EEPD1: variants seen among roughly 807,000 people sequenced by gnomAD.
EEPD1 encodes the protein endonuclease/exonuclease/phosphatase family domain containing 1, also known as endonuclease/exonuclease/phosphatase family domain-containing protein 1.
EEPD1 carries 17 observed loss-of-function variants against 46.3 expected under a neutral mutation model. The observed-to-expected ratio is 0.37, with a 90% CI of 0.25 to 0.55. The LOEUF is 0.55. EEPD1 is among the 20% of genes least tolerant of loss of function. The pLI, the probability that EEPD1 is intolerant of heterozygous loss-of-function variation, is 0.83. For synonymous variants in EEPD1, 313 were observed against 315.6 expected, an observed-to-expected ratio of 0.99 and a Z score of 0.09; for missense variants, 673 against 745.6, an observed-to-expected ratio of 0.90 and a Z score of 1.13.
chr7:36,241,372 C>T (rs1419184478), intron 3 of EEPD1, among the ~76,000 whole-genome samples: 1 of 151,938 alleles, frequency 6.6e-6, no homozygotes, highest in Non-Finnish European at 1.5e-5. Context: ...ACTCAGGAGG[C>T]GGAAGCAGGA....
intron 6 of EEPD1, among the ~76,000 whole-genome samples, chr7:36,292,870 A>G (rs556929054): frequency 6.6e-6 from 1 of 152,226 alleles, no homozygotes; most frequent in Non-Finnish European, 1.5e-5. Context: ...CCCCTCTGTG[A>G]CCACTCTTCC....
At chr7:36,272,784 C>T (rs942773991) in intron 3 of EEPD1, among the ~76,000 whole-genome samples, 2 of 152,150 alleles carry the variant, frequency 1.3e-5, no homozygotes, top group African/African-American at 2.4e-5. Context: ...GCCTTCCTGG[C>T]CCCCATGGAA....
chr7:36,255,507 CTTGTTATTGGGCTAT>C (rs1786815629), intron 3 of EEPD1, among the ~76,000 whole-genome samples: 1 of 74,656 alleles, frequency 1.3e-5, no homozygotes, highest in South Asian at 4.5e-4. Context: ...CTTTTCAGAA[CTTGTTATTGGGCTAT>C]TCAGGGATTC....
intron 3 of EEPD1, among the ~76,000 whole-genome samples, chr7:36,265,786 G>C (rs145523113): frequency 6.6e-6 from 1 of 152,296 alleles, no homozygotes; most frequent in East Asian, 1.9e-4. Context: ...ACATCAAAGA[G>C]GAAGAAAATT....
chr7:36,246,626 C>T (rs578016622), intron 3 of EEPD1, among the ~76,000 whole-genome samples: 2 of 152,268 alleles, frequency 1.3e-5, no homozygotes, highest in East Asian at 1.9e-4. Context: ...GAAGTTGCAT[C>T]CCCACTGCTC....
intron 3 of EEPD1, among the ~76,000 whole-genome samples, chr7:36,279,876 C>G (rs1355050485): frequency 6.6e-6 from 1 of 152,184 alleles, no homozygotes; most frequent in East Asian, 1.9e-4. Flanking sequence ...TGACAGTGAA[C>G]TTAGTGAATA....
At chr7:36,170,833 T>C (rs1315907351) in intron 2 of EEPD1, among the ~76,000 whole-genome samples, 1 of 152,218 alleles carries the variant, frequency 6.6e-6, no homozygotes, top group Non-Finnish European at 1.5e-5. Context: ...AGTGTCCTTA[T>C]TACCATATCA....
At chr7:36,259,644 G>A (rs1034515788) in intron 3 of EEPD1, among the ~76,000 whole-genome samples, 1 of 151,908 alleles carries the variant, frequency 6.6e-6, no homozygotes, top group African/African-American at 2.4e-5. Flanking sequence ...CAAGTAGCTG[G>A]AATTACAGGC....
intron 5 of EEPD1, among the ~76,000 whole-genome samples, chr7:36,285,298 A>G (rs1475988409): frequency 1.3e-5 from 2 of 152,162 alleles, no homozygotes; most frequent in Non-Finnish European, 2.9e-5. Flanking sequence ...TGGCCTGAGG[A>G]GCCCCTTCTT....
chr7:36,154,213 A>T lies in EEPD1; in HGVS notation c.-112A>T. 1 of 1,350,236 alleles carries T rather than the reference A, an allele frequency of 7.4e-7. No individual in the cohort carries two copies. The highest frequency in any genetic ancestry group is 9.8e-7 in the Non-Finnish European group (1 of 1,018,966). The allele number at this position is 1,350,236 out of a possible 1,614,324, so 83.6% of individuals were successfully genotyped here. A position where few individuals can be genotyped will look rare whatever the true frequency, so the allele number is the denominator to read the frequency against. Reference sequence around the variant, plus strand: ...TCTATAGTAACCTCTTCAGTCCCTGAATCCTGCACCTTCCGTTTTTCTGTG... The same window carrying T: ...TCTATAGTAACCTCTTCAGTCCCTGTATCCTGCACCTTCCGTTTTTCTGTG... On this transcript the variant is annotated 5_prime_UTR_variant, in exon 2 of 8. The change abolishes the stop of an existing upstream ORF in the 5' untranslated region. Coordinates refer to ENST00000242108, the MANE Select transcript of EEPD1 (RefSeq NM_030636.3). The surrounding 1 kb of genome is among the most constrained non-coding windows in gnomAD (Gnocchi z 4.2).
intron 2 of EEPD1, among the ~76,000 whole-genome samples, chr7:36,189,896 A>G (rs118104770): frequency 0.016 from 2,415 of 152,304 alleles, 22 homozygotes; most frequent in Non-Finnish European, 0.026. Context: ...GCATGTGCCT[A>G]TAGTCTCAGC....
chr7:36,211,462 CACA>C (rs1230886092), intron 2 of EEPD1, among the ~76,000 whole-genome samples: 7 of 152,110 alleles, frequency 4.6e-5, no homozygotes, highest in African/African-American at 1.4e-4. Context: ...ATCCTCTCCT[CACA>C]ACATTTATCA....
chr7:36,235,610 C>G (rs1489508156), intron 2 of EEPD1, among the ~76,000 whole-genome samples: 1 of 152,274 alleles, frequency 6.6e-6, no homozygotes, highest in Non-Finnish European at 1.5e-5. Context: ...AATGCCATAG[C>G]AATCATGGAT....
chr7:36,238,968 G>C lies in EEPD1; in HGVS notation c.879-17G>C. On this transcript the variant is annotated splice_polypyrimidine_tract_variant and intron_variant, in intron 2 of 7. Transcript: ENST00000242108. ...ATGATTTGTTTTCAAGTGTGGTTTT[G>C]ATTTTTTTTCTTACAGCATCAAGCT... The C allele has an allele frequency of 2.5e-6, 4 of 1,602,350 alleles. No individual in the cohort carries two copies. Among genetic ancestry groups the C allele is most frequent in the Non-Finnish European group, 2.5e-6 (3 of 1,177,228 alleles).
At chr7:36,160,676 T>TGGGG (rs150571892) in intron 2 of EEPD1, among the ~76,000 whole-genome samples, 75 of 36,410 alleles carry the variant, frequency 2.1e-3, no homozygotes, top group South Asian at 9.6e-3. Flanking sequence ...TGGGAGGTGG[T>TGGGG]GGGGGGCGGG....
chr7:36,183,084 G>A (rs1016940869), intron 2 of EEPD1, among the ~76,000 whole-genome samples: 2 of 152,138 alleles, frequency 1.3e-5, no homozygotes, highest in African/African-American at 2.4e-5. Context: ...CCAGGAGGGC[G>A]GCCTCATCCC....
At chr7:36,209,050 C>A (rs1785875434) in intron 2 of EEPD1, among the ~76,000 whole-genome samples, 1 of 152,166 alleles carries the variant, frequency 6.6e-6, no homozygotes, top group Non-Finnish European at 1.5e-5. Flanking sequence ...AGTTGTGCAA[C>A]CATTTCTGTG....
chr7:36,219,884 A>G (rs1224650241), intron 2 of EEPD1, among the ~76,000 whole-genome samples: 1 of 150,132 alleles, frequency 6.7e-6, no homozygotes, highest in Admixed American at 6.7e-5. Context: ...TATATAAAAC[A>G]TGAAAGATTA....
At chr7:36,259,391 GAT>G in intron 3 of EEPD1, among the ~76,000 whole-genome samples, 2 of 152,266 alleles carry the variant, frequency 1.3e-5, no homozygotes, top group Admixed American at 1.3e-4. Context: ...ATTTTAGTAA[GAT>G]ATAGAAACGT....
Sources: allele counts gnomAD v4.1 joint callset (sites outside exome capture counted in the v4.1 genomes callset), GRCh38; gene constraint gnomAD v4.1.1; non-coding constraint Gnocchi (gnomAD v3.1); transcripts MANE v1.5; gene names NCBI Gene and HGNC (gene_info 2026-07-23, HGNC 2026-07-21).